PCDH7: variants seen among roughly 807,000 people sequenced by gnomAD.
PCDH7 encodes protocadherin-7.
Under a neutral mutation model 58.9 loss-of-function variants are expected in PCDH7, and 17 were observed. The ratio of observed to expected loss-of-function variants is 0.29; its 90% CI spans 0.20 to 0.43. The LOEUF (loss-of-function observed/expected upper bound fraction) is 0.43, where lower values mean the gene tolerates loss of function less well. PCDH7 is among the 20% of genes least tolerant of loss of function. PCDH7 has a pLI of 1.00. For missense variants in PCDH7, 1,274 were observed against 1,441.0 expected (o/e 0.88, Z 1.88); for synonymous variants, 664 against 616.4 (o/e 1.08, Z -1.14).
intron 3 of PCDH7, among the ~76,000 whole-genome samples, chr4:31,132,189 T>C (rs1219444116): frequency 6.6e-6 from 1 of 152,186 alleles, no homozygotes; most frequent in East Asian, 1.9e-4. Flanking sequence ...AGGCTATTTC[T>C]TCTCATTTAC....
At chr4:31,051,678 G>T (rs1756741941) in intron 3 of PCDH7, among the ~76,000 whole-genome samples, 2 of 151,996 alleles carry the variant, frequency 1.3e-5, no homozygotes. Flanking sequence ...TGTTTATAAT[G>T]GGTAGCAGCA....
At chr4:30,937,783 A>G (rs1578352347) in intron 2 of PCDH7, among the ~76,000 whole-genome samples, 1 of 151,988 alleles carries the variant, frequency 6.6e-6, no homozygotes, top group Admixed American at 6.6e-5. Flanking sequence ...CTATTCTAAT[A>G]TAAGGGTATT....
rs989733413 is a variant in PCDH7 at position 30,789,544 on chromosome 4, A to G, written c.70+64948A>G. Among the ~76,000 whole-genome samples the G allele has an allele frequency of 3.9e-5, 6 of 152,128 alleles. No homozygotes were observed. The South Asian group carries it at 6.2e-4, about 16-fold the overall frequency. On this transcript the variant is annotated intron_variant, in intron 1 of 3. Coordinates refer to the PCDH7 transcript ENST00000509759. ...GCTTTTATTTTAGTTTCCTGCTACTACTCCAACTGTGAAAGGTCAGGGAAC... is the reference window on the plus strand; with the variant it reads ...GCTTTTATTTTAGTTTCCTGCTACTGCTCCAACTGTGAAAGGTCAGGGAAC...
intron 3 of PCDH7, among the ~76,000 whole-genome samples, chr4:31,052,218 C>T (rs1289576517): frequency 6.6e-6 from 1 of 152,046 alleles, no homozygotes; most frequent in East Asian, 1.9e-4. Flanking sequence ...TTAGTTTAAA[C>T]AAAAGTGTCT....
At chr4:30,946,690 TTGTGTG>T (rs112524366) in intron 2 of PCDH7, among the ~76,000 whole-genome samples, 72 of 137,634 alleles carry the variant, frequency 5.2e-4, no homozygotes, top group African/African-American at 1.5e-3. Context: ...CTTATCTCTT[TTGTGTG>T]TGTGTGTGTG....
chr4:31,093,096 G>A (rs1047343335), intron 3 of PCDH7, among the ~76,000 whole-genome samples: 4 of 152,056 alleles, frequency 2.6e-5, no homozygotes, highest in African/African-American at 9.7e-5. Context: ...GGGAATCTGT[G>A]GTCCAGTGAT....
chr4:30,789,135 T>TC (rs532371275), intron 1 of PCDH7, among the ~76,000 whole-genome samples: 5 of 151,720 alleles, frequency 3.3e-5, no homozygotes, highest in East Asian at 3.9e-4. Context: ...GATCAATAGG[T>TC]CCCCCCCTAA....
intron 3 of PCDH7, among the ~76,000 whole-genome samples, chr4:31,055,174 C>G (rs1233131585): frequency 6.6e-6 from 1 of 152,120 alleles, no homozygotes; most frequent in African/African-American, 2.4e-5. Context: ...TTATTTATGT[C>G]ATCCATCTTC....
At chr4:30,958,201 G>A (rs1437351392) in intron 3 of PCDH7, among the ~76,000 whole-genome samples, 1 of 151,952 alleles carries the variant, frequency 6.6e-6, no homozygotes, top group Non-Finnish European at 1.5e-5. Context: ...CTGGTGGAAT[G>A]GAAACACAAG....
intron 1 of PCDH7, chr4:30,730,664 A>T: frequency 1.1e-6 from 1 of 927,698 alleles, no homozygotes; most frequent in Non-Finnish European, 1.6e-6. Flanking sequence ...AATCTCTACT[A>T]AAGCTTTCCA....
intron 1 of PCDH7, among the ~76,000 whole-genome samples, chr4:30,896,889 C>CCTTTTTTTTTTT (rs1739467133): frequency 7.3e-5 from 2 of 27,346 alleles, no homozygotes; most frequent in East Asian, 2.8e-3. Context: ...TAGTTCTTTG[C>CCTTTTTTTTTTT]TTTTTTTTTT....
At chr4:31,054,180 G>C (rs746241794) in intron 3 of PCDH7, among the ~76,000 whole-genome samples, 1 of 152,040 alleles carries the variant, frequency 6.6e-6, no homozygotes, top group Non-Finnish European at 1.5e-5. Context: ...TGCCCAGGCT[G>C]GTCTCAAACT....
chr4:30,952,570 C>T (rs2109449631), intron 3 of PCDH7, among the ~76,000 whole-genome samples: 1 of 151,824 alleles, frequency 6.6e-6, no homozygotes, highest in African/African-American at 2.4e-5. Context: ...ACCACAGACA[C>T]TGAAAGGATG....
intron 1 of PCDH7, among the ~76,000 whole-genome samples, chr4:30,878,090 G>C (rs1208123419): frequency 6.6e-6 from 1 of 152,100 alleles, no homozygotes; most frequent in East Asian, 1.9e-4. Context: ...GTGTGACTTA[G>C]ACCCAACATA....
intron 1 of PCDH7, among the ~76,000 whole-genome samples, chr4:30,848,447 A>C (rs1732278579): frequency 6.6e-6 from 1 of 152,188 alleles, no homozygotes; most frequent in Non-Finnish European, 1.5e-5. Context: ...TATTTAAAAA[A>C]TTTTCTATAG....
chr4:31,054,181 G>T (rs1201530495), intron 3 of PCDH7, among the ~76,000 whole-genome samples: 2 of 152,150 alleles, frequency 1.3e-5, no homozygotes, highest in East Asian at 1.9e-4. Flanking sequence ...GCCCAGGCTG[G>T]TCTCAAACTC....
At chr4:30,763,284 T>C (rs558663251) in intron 1 of PCDH7, among the ~76,000 whole-genome samples, 17 of 152,218 alleles carry the variant, frequency 1.1e-4, no homozygotes, top group Non-Finnish European at 2.2e-4. Context: ...TTTAAATCTT[T>C]ATTTTCTAAT....
intron 3 of PCDH7, among the ~76,000 whole-genome samples, chr4:31,120,388 ATT>A (rs137987021): frequency 1.3e-5 from 1 of 75,714 alleles, no homozygotes; most frequent in African/African-American, 4.2e-5. Flanking sequence ...AGCTTCCTCC[ATT>A]TTTTTTTTCC....
At chr4:30,852,941 AT>A (rs1732966502) in intron 1 of PCDH7, among the ~76,000 whole-genome samples, 1 of 151,918 alleles carries the variant, frequency 6.6e-6, no homozygotes, top group African/African-American at 2.4e-5. Context: ...GAGATGGTAA[AT>A]GGGTTTCATT....
Sources: allele counts gnomAD v4.1 joint callset (sites outside exome capture counted in the v4.1 genomes callset), GRCh38; gene constraint gnomAD v4.1.1; transcripts MANE v1.5; gene names NCBI Gene and HGNC (gene_info 2026-07-23, HGNC 2026-07-21).